TMEM178B: variants seen among roughly 807,000 people sequenced by gnomAD.
TMEM178B encodes the protein transmembrane protein 178B.
A neutral mutation model predicts 31.0 loss-of-function variants in TMEM178B; 5 were observed. The ratio of observed to expected loss-of-function variants is 0.16; its 90% CI spans 0.08 to 0.34. The LOEUF (loss-of-function observed/expected upper bound fraction) is 0.34. TMEM178B is among the 10% of genes least tolerant of loss of function. The pLI is 1.00. For missense variants in TMEM178B, 275 were observed against 400.3 expected (o/e 0.69, Z 2.67); for synonymous variants, 164 against 164.0 (o/e 1.00, Z 0.00).
At chr7:141,132,811 A>G (rs1181966717) in intron 1 of TMEM178B, among the ~76,000 whole-genome samples, 1 of 152,212 alleles carries the variant, frequency 6.6e-6, no homozygotes, top group African/African-American at 2.4e-5. Flanking sequence ...CAGTGCCCAC[A>G]TACGCCACCT....
intron 1 of TMEM178B, among the ~76,000 whole-genome samples, chr7:141,186,457 G>A (rs867899971): frequency 2.6e-5 from 4 of 152,086 alleles, no homozygotes; most frequent in Non-Finnish European, 4.4e-5. Flanking sequence ...TTCCCCATCC[G>A]CTGTCTCTAC....
intron 1 of TMEM178B, among the ~76,000 whole-genome samples, chr7:141,102,938 G>T (rs562768857): frequency 1.5e-4 from 23 of 152,172 alleles, no homozygotes; most frequent in Non-Finnish European, 2.8e-4. Flanking sequence ...CAGTTAAGTG[G>T]CTAAGGCGGG....
At chr7:141,468,368 A>G (rs935017526) in intron 3 of TMEM178B, among the ~76,000 whole-genome samples, 1 of 152,186 alleles carries the variant, frequency 6.6e-6, no homozygotes, top group African/African-American at 2.4e-5. Context: ...GTGAGAGAGA[A>G]GGCATCTGGA....
intron 2 of TMEM178B, among the ~76,000 whole-genome samples, chr7:141,279,824 G>A (rs2116395930): frequency 6.6e-6 from 1 of 152,376 alleles, no homozygotes; most frequent in African/African-American, 2.4e-5. Flanking sequence ...GTAGCCATCG[G>A]TGGATTCCCA....
chr7:141,088,749 C>A (rs746827305), intron 1 of TMEM178B, among the ~76,000 whole-genome samples: 1 of 152,138 alleles, frequency 6.6e-6, no homozygotes, highest in Non-Finnish European at 1.5e-5. Context: ...GTGTTCATAT[C>A]CTTTGCCCAC....
At chr7:141,481,315 C>T (rs920492721), downstream of TMEM178B, among the ~76,000 whole-genome samples, 1 of 152,146 alleles carries the variant, frequency 6.6e-6, no homozygotes, top group African/African-American at 2.4e-5. Context: ...GCCCTGCCTC[C>T]CACCAAGATG....
intron 2 of TMEM178B, among the ~76,000 whole-genome samples, chr7:141,231,156 T>C (rs942975806): frequency 1.7e-4 from 26 of 152,216 alleles, no homozygotes; most frequent in African/African-American, 6.3e-4. Flanking sequence ...TGAGACATTG[T>C]CCTGTTTGCC....
In TMEM178B at chr7:141,427,076, G is replaced by A. The variant is rs181612274; in HGVS notation, c.497-10532G>A. Among the ~76,000 whole-genome samples the A allele has an allele frequency of 1.2e-4, 18 of 152,110 alleles. No homozygotes were observed. The East Asian group carries it at 2.5e-3, about 21-fold the overall frequency. ...AGAAATTGAAGAAGACACTAATAAC[G>A]GAAAGATATTCCATGTTCATGGATT... On this transcript the variant is annotated intron_variant, in intron 2 of 3. Coordinates refer to ENST00000565468, the MANE Select transcript of TMEM178B (RefSeq NM_001195278.2).
At chr7:141,366,357 C>T (rs937779816) in intron 2 of TMEM178B, among the ~76,000 whole-genome samples, 5 of 152,126 alleles carry the variant, frequency 3.3e-5, no homozygotes, top group Admixed American at 6.5e-5. Context: ...AGAAAATAAA[C>T]GCTATGCAAG....
chr7:141,241,907 CT>C (rs573343264), intron 2 of TMEM178B, among the ~76,000 whole-genome samples: 9 of 150,994 alleles, frequency 6.0e-5, no homozygotes, highest in African/African-American at 1.9e-4. Context: ...ATCGAGAGAT[CT>C]TTTTTTTTGC....
At chr7:141,470,383 C>G (rs554447290) in intron 3 of TMEM178B, among the ~76,000 whole-genome samples, 153 bp from the exon 4 acceptor site, 3 of 152,108 alleles carry the variant, frequency 2.0e-5, no homozygotes, top group African/African-American at 7.2e-5. Context: ...AGATACTGAC[C>G]TTGGTGATAA....
intron 2 of TMEM178B, among the ~76,000 whole-genome samples, chr7:141,284,996 A>G (rs1382150340): frequency 6.6e-6 from 1 of 151,012 alleles, no homozygotes; most frequent in East Asian, 1.9e-4. Context: ...ATTTTTGTGG[A>G]GCTGGTTGTG....
In TMEM178B at chr7:141,431,995, T is replaced by C. The variant is rs199801966; in HGVS notation, c.497-5613T>C. 3.3e-5 allele frequency among the ~76,000 whole-genome samples: 5 copies of C among 152,172 alleles called. No individual in the cohort carries two copies. In the East Asian group the frequency reaches 9.7e-4, roughly 29 times the overall value. On this transcript the variant is annotated intron_variant, in intron 2 of 3. Transcript: ENST00000565468. ...AAGTGCAAATAAAAAGCAACAAAGA[T>C]TTTTTAAACAATGGAAATAATGTCT...
intron 2 of TMEM178B, among the ~76,000 whole-genome samples, chr7:141,226,222 G>A (rs188166869): frequency 1.4e-5 from 2 of 146,490 alleles, no homozygotes; most frequent in East Asian, 1.9e-4. Context: ...CACCCTCTTG[G>A]GGGGAGGGTG....
At chr7:141,374,117 G>A (rs757745189) in intron 2 of TMEM178B, among the ~76,000 whole-genome samples, 4 of 152,130 alleles carry the variant, frequency 2.6e-5, no homozygotes, top group African/African-American at 7.2e-5. Context: ...CAAGGTAAGC[G>A]TGTTTCTGAT....
At position 141,413,538 on chromosome 7, in the gene TMEM178B, G is replaced by T. The variant is rs561846910; in HGVS notation, c.497-24070G>T. The stretch of plus-strand genomic sequence containing the variant: ...TGCTCTGTTCTTTTGCAAGACCTTG[G>T]ATCCTTTTTTCTGGCATTCTTGGGT... On this transcript the variant is annotated intron_variant, in intron 2 of 3. Coordinates refer to ENST00000565468, the MANE Select transcript of TMEM178B (RefSeq NM_001195278.2). Among the ~76,000 whole-genome samples the T allele has an allele frequency of 3.9e-5, 6 of 152,302 alleles. No homozygotes were observed. The East Asian group carries it at 1.2e-3, about 29-fold the overall frequency.
chr7:141,335,242 A>G (rs1799364237), intron 2 of TMEM178B, among the ~76,000 whole-genome samples: 1 of 152,118 alleles, frequency 6.6e-6, no homozygotes, highest in Admixed American at 6.5e-5. Context: ...GAGGGGATGA[A>G]GCTACCTGGA....
chr7:141,219,200 G>A (rs2129189104), intron 2 of TMEM178B, among the ~76,000 whole-genome samples: 1 of 152,280 alleles, frequency 6.6e-6, no homozygotes, highest in Admixed American at 6.5e-5. Flanking sequence ...GCTGCCTAGA[G>A]GTCCCATCTC....
At chr7:141,261,272 T>G (rs2116360584) in intron 2 of TMEM178B, among the ~76,000 whole-genome samples, 1 of 152,220 alleles carries the variant, frequency 6.6e-6, no homozygotes, top group East Asian at 1.9e-4. Flanking sequence ...GTGGTTCTAC[T>G]TCTTCCTATT....
Sources: gnomAD v4.1 joint callset for allele counts (sites outside exome capture counted in the v4.1 genomes callset) on GRCh38, gnomAD v4.1.1 for gene constraint, MANE v1.5 for transcripts, NCBI Gene and HGNC (gene_info 2026-07-23, HGNC 2026-07-21) for gene names.